DPP6: variants seen among roughly 807,000 people sequenced by gnomAD.
The protein encoded by DPP6 is dipeptidyl peptidase like 6, also known as A-type potassium channel modulatory protein DPP6.
In DPP6, 69 loss-of-function variants were observed where a neutral mutation model predicts 122.6. That is an observed-to-expected ratio of 0.56 (90% CI 0.46 to 0.69). DPP6 has a LOEUF of 0.69. Ranked by LOEUF, DPP6 falls within the 30% of genes least tolerant of loss-of-function variation. The probability of loss-of-function intolerance (pLI) is 0.00; values close to 1 mark genes in which losing one functional copy is unlikely to be tolerated. For missense variants in DPP6, 928 were observed against 1,116.9 expected, an observed-to-expected ratio of 0.83 and a Z score of 2.41; for synonymous variants, 418 against 433.1, an observed-to-expected ratio of 0.97 and a Z score of 0.43.
chr7:154,670,424 C>T (rs1325015241), intron 7 of DPP6, among the ~76,000 whole-genome samples: 7 of 152,332 alleles, frequency 4.6e-5, no homozygotes, highest in African/African-American at 1.4e-4. Context: ...CAGCACCTCC[C>T]GCTGTCAGGC....
chr7:153,964,999 TCTTCCTTCCTTCCTTC>T (rs1209264469), intron 1 of DPP6, among the ~76,000 whole-genome samples: 1 of 62,432 alleles, frequency 1.6e-5, no homozygotes, highest in Non-Finnish European at 3.1e-5. Flanking sequence ...TTCCTTCCTT[TCTTCCTTCCTTCCTTC>T]CTTCCTTCCT....
At chr7:154,837,589 G>A (rs1801190484) in intron 16 of DPP6, among the ~76,000 whole-genome samples, 1 of 151,980 alleles carries the variant, frequency 6.6e-6, no homozygotes, top group Non-Finnish European at 1.5e-5. Flanking sequence ...TCTGTCCCTG[G>A]GCCAGTGACA....
the DPP6 span, among the ~76,000 whole-genome samples, chr7:153,776,420 G>A: frequency 1.6e-4 from 24 of 152,048 alleles, no homozygotes; most frequent in Non-Finnish European, 3.1e-4. Flanking sequence ...ACGTTTCCTT[G>A]CTGCCGTCAC....
At chr7:154,518,362 T>C (rs1008195332) in intron 3 of DPP6, among the ~76,000 whole-genome samples, 5 of 152,258 alleles carry the variant, frequency 3.3e-5, no homozygotes, top group African/African-American at 1.2e-4. Context: ...GTAAAACTTA[T>C]ATCCATTAAA....
At chr7:154,728,574 A>T (rs1842185117) in intron 8 of DPP6, among the ~76,000 whole-genome samples, 1 of 152,234 alleles carries the variant, frequency 6.6e-6, no homozygotes, top group African/African-American at 2.4e-5. Context: ...TGCTGGAAGC[A>T]CTTTGTTTTC....
intron 14 of DPP6, among the ~76,000 whole-genome samples, chr7:154,804,285 A>G (rs1330248181): frequency 1.3e-5 from 2 of 152,266 alleles, no homozygotes; most frequent in Admixed American, 1.3e-4. Flanking sequence ...TACAGACATT[A>G]TCTCATTGAA....
At chr7:154,052,277 C>G (rs1480126291), upstream of DPP6, 1 of 152,854 alleles carries the variant, frequency 6.5e-6, no homozygotes, top group Non-Finnish European at 1.5e-5. The surrounding 1 kb of genome is among the most constrained non-coding windows in gnomAD (Gnocchi z 4.8). Flanking sequence ...GCTGCCAACC[C>G]CTGCCACCCA....
At chr7:154,674,295 T>C (rs1368239322) in intron 7 of DPP6, among the ~76,000 whole-genome samples, 2 of 152,224 alleles carry the variant, frequency 1.3e-5, no homozygotes, top group African/African-American at 4.8e-5. Context: ...GGTTTAGGAA[T>C]GTCCACATAT....
At chr7:154,429,415 C>T (rs1395308415) in intron 1 of DPP6, among the ~76,000 whole-genome samples, 1 of 152,174 alleles carries the variant, frequency 6.6e-6, no homozygotes, top group African/African-American at 2.4e-5. Context: ...AAGAAAACTT[C>T]TCATGTATTG....
At chr7:154,261,142 C>A (rs2150914432) in intron 1 of DPP6, among the ~76,000 whole-genome samples, 1 of 152,296 alleles carries the variant, frequency 6.6e-6, no homozygotes, top group East Asian at 1.9e-4. Context: ...GTTCCGCCTG[C>A]CTCAGCCTCC....
intron 1 of DPP6, among the ~76,000 whole-genome samples, chr7:154,258,779 A>C (rs548230088): frequency 6.6e-6 from 1 of 152,228 alleles, no homozygotes; most frequent in Non-Finnish European, 1.5e-5. Flanking sequence ...TCACACCAAT[A>C]AAAACACAAC....
intron 7 of DPP6, among the ~76,000 whole-genome samples, chr7:154,678,060 CA>C (rs1263017166): frequency 9.2e-5 from 14 of 152,176 alleles, no homozygotes; most frequent in African/African-American, 3.4e-4. Context: ...TTTGTAAACG[CA>C]CTGATCAGCA....
At chr7:153,753,347 A>G in the DPP6 span, among the ~76,000 whole-genome samples, 1 of 152,358 alleles carries the variant, frequency 6.6e-6, no homozygotes, top group South Asian at 2.1e-4. Context: ...TATATATATT[A>G]CACAATATAC....
intron 7 of DPP6, among the ~76,000 whole-genome samples, chr7:154,676,582 C>CACCG (rs1262210823): frequency 1.3e-5 from 2 of 152,264 alleles, no homozygotes; most frequent in Non-Finnish European, 2.9e-5. Flanking sequence ...CCACACCCTG[C>CACCG]ACCGGCCCCA....
chr7:154,580,150 T>C (rs1019281632), intron 5 of DPP6, among the ~76,000 whole-genome samples: 22 of 138,876 alleles, frequency 1.6e-4, no homozygotes, highest in Non-Finnish European at 1.1e-4. Context: ...CTCTCCCCCT[T>C]ACACACACAC....
chr7:154,653,247 G>A (rs535117888), intron 6 of DPP6, among the ~76,000 whole-genome samples: 13 of 152,194 alleles, frequency 8.5e-5, no homozygotes, highest in Non-Finnish European at 1.2e-4. Flanking sequence ...CCAACAGCTC[G>A]GGAGACCAAG....
chr7:154,063,410 CGCCCCTGGCTGTTGGT>C (rs1802351465), intron 1 of DPP6, among the ~76,000 whole-genome samples: 1 of 134,136 alleles, frequency 7.5e-6, no homozygotes, highest in Non-Finnish European at 1.6e-5. Context: ...TCCCCTCTTC[CGCCCCTGGCTGTTGGT>C]ACCCCCATCG....
intron 4 of DPP6, among the ~76,000 whole-genome samples, chr7:154,553,515 TCTTA>T (rs1219815589): frequency 6.6e-6 from 1 of 152,200 alleles, no homozygotes; most frequent in African/African-American, 2.4e-5. Context: ...ACGTTCATTA[TCTTA>T]CTTAACCAAA....
intron 1 of DPP6, among the ~76,000 whole-genome samples, chr7:154,374,450 A>C (rs1353826913): frequency 6.6e-6 from 1 of 152,090 alleles, no homozygotes. Context: ...GAGCCATAGG[A>C]GTGCATTGAC....
Sources: gnomAD v4.1 joint callset for allele counts (sites outside exome capture counted in the v4.1 genomes callset) on GRCh38, gnomAD v4.1.1 for gene constraint, Gnocchi (gnomAD v3.1) non-coding constraint, MANE v1.5 for transcripts, NCBI Gene and HGNC (gene_info 2026-07-23, HGNC 2026-07-21) for gene names.